NSUN6: variants seen among roughly 807,000 people sequenced by gnomAD.
The protein encoded by NSUN6 is tRNA (cytosine(72)-C(5))-methyltransferase NSUN6.
A neutral mutation model predicts 58.0 loss-of-function variants in NSUN6; 64 were observed. The ratio of observed to expected loss-of-function variants is 1.10; its 90% CI spans 0.90 to 1.36. The LOEUF is 1.36. Among genes scored for constraint, NSUN6 ranks in the 40% most tolerant of loss-of-function variants. The pLI is 0.00. For synonymous variants in NSUN6, 231 were observed against 193.9 expected, an observed-to-expected ratio of 1.19 and a Z score of -1.59; for missense variants, 701 against 550.1, an observed-to-expected ratio of 1.27 and a Z score of -2.74.
chr10:18,576,629 G>T (rs1457503261), intron 8 of NSUN6, among the ~76,000 whole-genome samples: 1 of 152,212 alleles, frequency 6.6e-6, no homozygotes, highest in East Asian at 1.9e-4. Flanking sequence ...GGGCCATCCA[G>T]CTTCCATCCC....
chr10:18,653,090 G>A (rs2059736949), upstream of NSUN6: 1 of 984,604 alleles, frequency 1.0e-6, no homozygotes, highest in Non-Finnish European at 1.2e-6. Context: ...TCTGTAGCCT[G>A]AATTTCATGG....
chr10:18,575,218 C>T (rs1480596601), intron 8 of NSUN6, among the ~76,000 whole-genome samples: 2 of 151,972 alleles, frequency 1.3e-5, no homozygotes, highest in Non-Finnish European at 2.9e-5. Flanking sequence ...GAATTTATAC[C>T]CTGGCCAAAC....
At position 18,551,901 on chromosome 10, in the gene NSUN6, C is replaced by T. The variant is rs776165322; in HGVS notation, c.993G>A (p.Gln331=). Residue 331 remains glutamine (Q), a synonymous_variant, in exon 9 of 11, where the codon CAG becomes CAA. Transcript: ENST00000377304. Reference sequence around the variant, plus strand: ...ACCAAGTACAGGCCATGTTTGGTCTCTGTCCCATTCCACTACAGGGTGCAT... The same window carrying T: ...ACCAAGTACAGGCCATGTTTGGTCTTTGTCCCATTCCACTACAGGGTGCAT... ...LLDAPCSGMG[Q]RPNMACTWSV... 5 of 1,611,468 alleles carry T rather than the reference C, an allele frequency of 3.1e-6. No homozygotes were observed. Among genetic ancestry groups the T allele is most frequent in the Admixed American group, 1.7e-5 (1 of 59,954 alleles).
chr10:18,653,173 T>A (rs930648724), upstream of NSUN6: 10 of 984,786 alleles, frequency 1.0e-5, no homozygotes, highest in Non-Finnish European at 1.1e-5. Context: ...GAACTACATT[T>A]TAAACTCCAC....
intron 7 of NSUN6, among the ~76,000 whole-genome samples, chr10:18,586,516 C>A (rs921469188): frequency 2.6e-5 from 4 of 151,820 alleles, no homozygotes; most frequent in Non-Finnish European, 5.9e-5. Flanking sequence ...CGGGTGGGTT[C>A]GTGGTCTTGC....
chr10:18,558,848 G>C (rs1270467071), intron 8 of NSUN6, among the ~76,000 whole-genome samples: 1 of 151,524 alleles, frequency 6.6e-6, no homozygotes, highest in South Asian at 2.1e-4. Context: ...GAATGGAATG[G>C]AGAATGCAAT....
intron 10 of NSUN6, among the ~76,000 whole-genome samples, chr10:18,546,747 G>A (rs144274198): frequency 3.0e-4 from 45 of 152,056 alleles, no homozygotes; most frequent in African/African-American, 1.1e-3. Context: ...GTGTGGTGGT[G>A]CATGCCTGTA....
chr10:18,605,348 T>C (rs1320714415), intron 6 of NSUN6, among the ~76,000 whole-genome samples: 1 of 150,144 alleles, frequency 6.7e-6, no homozygotes, highest in East Asian at 2.1e-4. Context: ...AAATAGGAAT[T>C]TGTGAGTATA....
At chr10:18,621,566 G>C (rs2058607892) in intron 3 of NSUN6, among the ~76,000 whole-genome samples, 1 of 152,094 alleles carries the variant, frequency 6.6e-6, no homozygotes, top group African/African-American at 2.4e-5. Flanking sequence ...GTTGGTGCAA[G>C]GCCATAAAAT....
chr10:18,568,687 C>T (rs2130948497), intron 8 of NSUN6, among the ~76,000 whole-genome samples: 1 of 151,302 alleles, frequency 6.6e-6, no homozygotes, highest in Non-Finnish European at 1.5e-5. Flanking sequence ...TTCTGCATTC[C>T]ATTCCCTTCC....
rs145697480 is a variant in NSUN6 at position 18,577,402 on chromosome 10, C to T, written c.922+8547G>A. Among the ~76,000 whole-genome samples the T allele has an allele frequency of 6.6e-4, 100 of 152,182 alleles. 2 individuals are homozygous for T. The East Asian group carries it at 0.018, about 27-fold the overall frequency. On this transcript the variant is annotated intron_variant, in intron 8 of 10. Coordinates refer to ENST00000377304, the MANE Select transcript of NSUN6 (RefSeq NM_182543.5). ...TTCGGTAAATGGAAAGGAATAATAG[C>T]CTCAATTCTTACTTCCCTCGCAGCC... is the stretch of plus-strand genomic sequence containing the variant.
chr10:18,652,827 G>A (rs1399965373), upstream of NSUN6: 28 of 846,916 alleles, frequency 3.3e-5, no homozygotes, highest in Non-Finnish European at 3.8e-5. Context: ...CCAAAGTGCT[G>A]GGATTACAGG....
chr10:18,609,270 C>T (rs2058148562), intron 6 of NSUN6, among the ~76,000 whole-genome samples: 1 of 152,026 alleles, frequency 6.6e-6, no homozygotes, highest in Non-Finnish European at 1.5e-5. Context: ...ACGATTGTAC[C>T]ACTGCACTCC....
chr10:18,619,604 C>A (rs951517815), intron 3 of NSUN6, among the ~76,000 whole-genome samples: 1 of 152,168 alleles, frequency 6.6e-6, no homozygotes, highest in Non-Finnish European at 1.5e-5. Context: ...TCAACTACAT[C>A]ATTTTGTGGC....
At chr10:18,572,222 C>T (rs1446530239) in intron 8 of NSUN6, among the ~76,000 whole-genome samples, 1 of 145,788 alleles carries the variant, frequency 6.9e-6, no homozygotes, top group East Asian at 2.1e-4. Flanking sequence ...TCATTGTTCA[C>T]TCCATTCCCT....
At chr10:18,560,899 G>A (rs1443546483) in intron 8 of NSUN6, among the ~76,000 whole-genome samples, 1 of 150,656 alleles carries the variant, frequency 6.6e-6, no homozygotes, top group East Asian at 2.0e-4. Context: ...AATGGAGGAT[G>A]GTATGGAGAA....
At chr10:18,658,093 C>T (rs1381240331), upstream of NSUN6, 2 of 151,970 alleles carry the variant, frequency 1.3e-5, no homozygotes, top group African/African-American at 4.8e-5. Flanking sequence ...TAAAAATGTC[C>T]TTTTAAGCCA....
chr10:18,621,349 T>C (rs2058600258), intron 3 of NSUN6, among the ~76,000 whole-genome samples: 1 of 152,222 alleles, frequency 6.6e-6, no homozygotes, highest in African/African-American at 2.4e-5. Context: ...TCTTTCACTG[T>C]AACAAATCAT....
At chr10:18,610,846 CAA>C (rs975882707) in intron 5 of NSUN6, among the ~76,000 whole-genome samples, 1 of 152,102 alleles carries the variant, frequency 6.6e-6, no homozygotes, top group African/African-American at 2.4e-5. Context: ...TGGAGAAATT[CAA>C]AGAGTTCTGG....
Sources: allele counts gnomAD v4.1 joint callset (sites outside exome capture counted in the v4.1 genomes callset), GRCh38; gene constraint gnomAD v4.1.1; transcripts MANE v1.5; gene names NCBI Gene and HGNC (gene_info 2026-07-23, HGNC 2026-07-21).